Variants in CNTN3 observed in about 807,000 individuals in gnomAD.
The protein encoded by CNTN3 is contactin 3.
Under a neutral mutation model 119.1 loss-of-function variants are expected in CNTN3, and 60 were observed. The ratio of observed to expected loss-of-function variants is 0.50; its 90% confidence interval spans 0.41 to 0.62. CNTN3 has a LOEUF of 0.62. Ranked by LOEUF, CNTN3 falls within the 20% of genes least tolerant of loss-of-function variation. The pLI is 0.00. For missense variants in CNTN3, 1,101 were observed against 1,242.4 expected (o/e 0.89, Z 1.71); for synonymous variants, 450 against 438.7 (o/e 1.03, Z -0.32).
Position 74,591,843 on chromosome 3 carries a change from G to C in CNTN3, c.-81+22548C>G, listed in dbSNP as rs188443689. On this transcript the variant is annotated intron_variant, in intron 1 of 22. Transcript: ENST00000263665. The stretch of plus-strand genomic sequence containing the variant: ...CGAGACATTCAGATGGAAATAGTGG[G>C]CCTTGGTTGGCAATGTGGAACTCAG... Among the ~76,000 whole-genome samples the C allele has an allele frequency of 1.6e-3, 247 of 151,994 alleles. 1 individual carries two copies. The highest frequency in any genetic ancestry group is 2.8e-3 in the Non-Finnish European group (190 of 67,916).
At chr3:74,512,692 CAAAAAAAAAAAAAA>C (rs66822650) in intron 2 of CNTN3, among the ~76,000 whole-genome samples, 10 of 85,258 alleles carry the variant, frequency 1.2e-4, no homozygotes, top group African/African-American at 4.3e-4. Flanking sequence ...CATAATCAAG[CAAAAAAAAAAAAAA>C]AAAAAAAAAG....
intron 5 of CNTN3, among the ~76,000 whole-genome samples, chr3:74,409,626 A>G (rs1415512167): frequency 6.6e-6 from 1 of 152,044 alleles, no homozygotes; most frequent in African/African-American, 2.4e-5. Context: ...GTTCACAAAA[A>G]TTTACCTAGA....
chr3:74,458,721 G>C (rs983017079), intron 4 of CNTN3, among the ~76,000 whole-genome samples: 1 of 152,020 alleles, frequency 6.6e-6, no homozygotes, highest in Admixed American at 6.6e-5. Flanking sequence ...GGAACAGCAG[G>C]AGAAAACATT....
chr3:74,329,231 T>C lies in CNTN3; in HGVS notation c.1668+5504A>G, dbSNP rs116481528. Among the ~76,000 whole-genome samples, 219 of 152,266 alleles carry C rather than the reference T, an allele frequency of 1.4e-3. 1 individual carries two copies. Among genetic ancestry groups the C allele is most frequent in the African/African-American group, 4.3e-3 (179 of 41,548 alleles). ...CAAGCTCATGTGTAGCTGCTGTAAC[T>C]AGAGTGAAATTGTGGCTTGTGGGAA... On this transcript the variant is annotated intron_variant, in intron 13 of 22. Transcript: ENST00000263665.
chr3:74,312,455 C>CAAAAAAAAAAAAAA (rs745514119), intron 13 of CNTN3, among the ~76,000 whole-genome samples: 2 of 27,804 alleles, frequency 7.2e-5, no homozygotes, highest in African/African-American at 2.6e-4. Context: ...GACTCCATCT[C>CAAAAAAAAAAAAAA]AAAAAAAAAA....
intron 4 of CNTN3, among the ~76,000 whole-genome samples, chr3:74,429,687 A>G (rs961567813): frequency 6.6e-6 from 1 of 152,130 alleles, no homozygotes; most frequent in Non-Finnish European, 1.5e-5. Context: ...TCAAGCAAAG[A>G]GGATGTAAAG....
At chr3:74,605,769 G>A (rs1704981793) in intron 1 of CNTN3, among the ~76,000 whole-genome samples, 1 of 152,134 alleles carries the variant, frequency 6.6e-6, no homozygotes, top group African/African-American at 2.4e-5. Context: ...CCCAGGCTTA[G>A]GAGCAGAATT....
intron 1 of CNTN3, among the ~76,000 whole-genome samples, chr3:74,524,561 C>T (rs191775701): frequency 1.3e-5 from 2 of 151,884 alleles, no homozygotes; most frequent in East Asian, 2.0e-4. Context: ...TGTGTATGTG[C>T]TGCAGAGTGA....
At chr3:74,520,240 A>G (rs1250154843) in intron 2 of CNTN3, among the ~76,000 whole-genome samples, 1 of 150,696 alleles carries the variant, frequency 6.6e-6, no homozygotes, top group Non-Finnish European at 1.5e-5. Flanking sequence ...GACAGATAAA[A>G]AAAAAAGGAA....
chr3:74,396,914 C>G (rs148998053), intron 5 of CNTN3, among the ~76,000 whole-genome samples: 1 of 152,238 alleles, frequency 6.6e-6, no homozygotes, highest in African/African-American at 2.4e-5. Flanking sequence ...TTTTCCAGGA[C>G]AGCCAGCGAA....
At chr3:74,474,036 A>G (rs948708365) in intron 4 of CNTN3, among the ~76,000 whole-genome samples, 3 of 152,186 alleles carry the variant, frequency 2.0e-5, no homozygotes, top group Non-Finnish European at 4.4e-5. Flanking sequence ...GATGGAGATG[A>G]GGAAATTACA....
intron 2 of CNTN3, among the ~76,000 whole-genome samples, chr3:74,508,872 C>A (rs1005018856): frequency 6.6e-6 from 1 of 152,128 alleles, no homozygotes; most frequent in African/African-American, 2.4e-5. Context: ...CAAGATATTT[C>A]TTTCATTTCC....
chr3:74,530,226 G>T (rs1703674900), intron 1 of CNTN3, among the ~76,000 whole-genome samples: 1 of 151,972 alleles, frequency 6.6e-6, no homozygotes, highest in African/African-American at 2.4e-5. Flanking sequence ...GAAGACAGAG[G>T]TCTGTAACAG....
At chr3:74,265,899 G>A (rs1701653053) in intron 22 of CNTN3, among the ~76,000 whole-genome samples, 1 of 152,104 alleles carries the variant, frequency 6.6e-6, no homozygotes, top group South Asian at 2.1e-4. Flanking sequence ...ATTGGCAGTT[G>A]ATAAAATACG....
At chr3:74,449,404 CA>C (rs35918671) in intron 4 of CNTN3, among the ~76,000 whole-genome samples, 2 of 151,278 alleles carry the variant, frequency 1.3e-5, no homozygotes, top group African/African-American at 4.9e-5. Flanking sequence ...TCTGCTGAAT[CA>C]AAAAAAATGG....
At chr3:74,467,625 T>C (rs1702488628) in intron 4 of CNTN3, among the ~76,000 whole-genome samples, 1 of 141,322 alleles carries the variant, frequency 7.1e-6, no homozygotes. Context: ...ACACACATAA[T>C]AGCGCTTTAT....
intron 13 of CNTN3, among the ~76,000 whole-genome samples, chr3:74,323,290 A>C (rs1399497641): frequency 2.0e-5 from 3 of 152,010 alleles, no homozygotes; most frequent in African/African-American, 7.2e-5. Flanking sequence ...TTTACTATGA[A>C]CCTTAGCAAC....
chr3:74,280,953 C>T (rs971102828), intron 20 of CNTN3, among the ~76,000 whole-genome samples: 4 of 151,930 alleles, frequency 2.6e-5, no homozygotes, highest in East Asian at 1.9e-4. Flanking sequence ...TGAGTGACAA[C>T]GTGGAAGAGA....
intron 13 of CNTN3, among the ~76,000 whole-genome samples, chr3:74,308,179 C>A (rs1702602623): frequency 6.6e-6 from 1 of 152,168 alleles, no homozygotes; most frequent in Admixed American, 6.5e-5. Flanking sequence ...CCCACCAATG[C>A]CAAATGGCTG....
Sources: allele counts gnomAD v4.1 joint callset (sites outside exome capture counted in the v4.1 genomes callset), GRCh38; gene constraint gnomAD v4.1.1; transcripts MANE v1.5; gene names NCBI Gene and HGNC (gene_info 2026-07-23, HGNC 2026-07-21).